NINL: variants seen among roughly 807,000 people sequenced by gnomAD.
NINL encodes the protein ninein-like protein.
NINL carries 153 observed loss-of-function variants against 160.3 expected under a neutral mutation model. The observed-to-expected ratio is 0.95, with a 90% CI of 0.84 to 1.09. The LOEUF (loss-of-function observed/expected upper bound fraction) is 1.09. NINL is among the 50% of genes least tolerant of loss of function. The pLI is 0.00. For missense variants in NINL, 1,829 were observed against 1,764.0 expected (o/e 1.04, Z -0.66); for synonymous variants, 800 against 734.8 (o/e 1.09, Z -1.43).
intron 1 of NINL, among the ~76,000 whole-genome samples, chr20:25,565,690 T>C (rs923315912): frequency 2.0e-5 from 3 of 152,134 alleles, no homozygotes; most frequent in Non-Finnish European, 2.9e-5. Flanking sequence ...GGGCATTATG[T>C]TTGGGTGAGT....
intron 1 of NINL, among the ~76,000 whole-genome samples, chr20:25,564,925 T>C (rs1444206396): frequency 2.0e-5 from 3 of 152,126 alleles, no homozygotes; most frequent in Non-Finnish European, 4.4e-5. Flanking sequence ...ATCACAGTTT[T>C]ACCGAAGCAA....
intron 18 of NINL, among the ~76,000 whole-genome samples, chr20:25,468,382 C>T (rs2062971418): frequency 6.6e-6 from 1 of 151,650 alleles, no homozygotes; most frequent in South Asian, 2.1e-4. Context: ...GGTGGCCTCC[C>T]TGCTCTGTCC....
At chr20:25,539,938 G>T in intron 1 of NINL, 1 of 874,642 alleles carries the variant, frequency 1.1e-6, no homozygotes, top group Non-Finnish European at 1.6e-6. Context: ...ACCCCTGCGG[G>T]TTCCCGGGGG....
chr20:25,538,624 C>G (rs998430352), intron 1 of NINL, among the ~76,000 whole-genome samples: 6 of 152,110 alleles, frequency 3.9e-5, no homozygotes, highest in African/African-American at 1.4e-4. Flanking sequence ...TGGCCTGGCC[C>G]CAGGGTCACA....
In NINL at chr20:25,476,848, TC is replaced by T; in HGVS notation, c.2442del (p.Lys815SerfsTer148). 1 of 1,613,330 alleles carries T rather than the reference TC, an allele frequency of 6.2e-7. No homozygotes were observed. ...LEEEELELARGKRVDGPSLEA... is the reference protein window; with the variant it reads ...LEEEELELARXKRVDGPSLEA... Reference sequence around the variant, plus strand: ...TCCAGGGAGGGCCCGTCCACTCGCTTCCCGCGGGCAAGCTCCAACTCCTCCT... The same window carrying T: ...TCCAGGGAGGGCCCGTCCACTCGCTTCCGCGGGCAAGCTCCAACTCCTCCT... On this transcript the variant is annotated frameshift_variant, in exon 17 of 24. Coordinates refer to ENST00000278886, the MANE Select transcript of NINL (RefSeq NM_025176.6). LOFTEE classifies it high-confidence loss of function.
intron 1 of NINL, among the ~76,000 whole-genome samples, chr20:25,570,401 T>A (rs1208299687): frequency 6.6e-6 from 1 of 152,026 alleles, no homozygotes; most frequent in Non-Finnish European, 1.5e-5. Context: ...ATTTGGTTGT[T>A]TAAAGGCATG....
At chr20:25,533,571 C>G (rs181330767) in intron 1 of NINL, among the ~76,000 whole-genome samples, 23 of 152,250 alleles carry the variant, frequency 1.5e-4, no homozygotes, top group Admixed American at 1.0e-3. Context: ...TCAGTGTGGT[C>G]TCAGCACAGG....
chr20:25,526,261 T>C (rs542768939), intron 2 of NINL, 147 bp downstream of exon 2: 377 of 720,370 alleles, frequency 5.2e-4, no homozygotes, highest in Non-Finnish European at 7.9e-4. Flanking sequence ...AGAATTTCCA[T>C]AGAGGGAAAA....
intron 13 of NINL, 53 bp from the exon 14 acceptor site, chr20:25,482,153 G>GCGAGCTGGC (rs781229239): frequency 7.0e-6 from 11 of 1,564,622 alleles, no homozygotes; most frequent in Admixed American, 3.4e-5. Context: ...ATTCAGCCCA[G>GCGAGCTGGC]CGAGCTGGCC....
chr20:25,454,179 C>T (rs781679039), intron 23 of NINL, among the ~76,000 whole-genome samples: 38 of 152,288 alleles, frequency 2.5e-4, no homozygotes, highest in South Asian at 6.2e-4. Flanking sequence ...AGCTTTGTGC[C>T]GTGAAACAAG....
chr20:25,467,365 C>T (rs1342424803), intron 19 of NINL, 24 bp downstream of exon 19: 1 of 1,539,828 alleles, frequency 6.5e-7, no homozygotes, highest in Admixed American at 1.7e-5. Flanking sequence ...GGCATGAGCT[C>T]CATGCCAGGC....
intron 5 of NINL, among the ~76,000 whole-genome samples, chr20:25,508,696 T>G (rs559572246): frequency 6.6e-6 from 1 of 152,328 alleles, no homozygotes; most frequent in East Asian, 1.9e-4. Context: ...TGAAGAGGGC[T>G]CTCGGCATTC....
At position 25,476,427 on chromosome 20, in the gene NINL, G is replaced by A. The variant is rs576265906; in HGVS notation, c.2864C>T (p.Pro955Leu). ...GTERDASQTQPRMWEPPLRPA... is the reference protein window; with the variant it reads ...GTERDASQTQLRMWEPPLRPA... ...CCTCAGGGGTGGCTCCCACATCCGT[G>A]GCTGGGTTTGCGAGGCGTCTCTCTC... Residue 955 changes from proline to leucine, a missense_variant, in exon 17 of 24, where the codon CCA (proline) becomes CTA (leucine). Physicochemically the swap from Pro to Leu is moderately conservative, Grantham distance 98. Coordinates refer to ENST00000278886, the MANE Select transcript of NINL (RefSeq NM_025176.6). 1 of 1,609,578 alleles carries A rather than the reference G, an allele frequency of 6.2e-7. No homozygotes were observed. The highest frequency in any genetic ancestry group is 1.3e-5 in the African/African-American group (1 of 75,056).
intron 1 of NINL, among the ~76,000 whole-genome samples, chr20:25,533,465 C>T (rs2064502550): frequency 1.3e-5 from 2 of 151,858 alleles, no homozygotes; most frequent in South Asian, 4.2e-4. Context: ...AATCGGAAGA[C>T]AAGGAAAGCT....
intron 1 of NINL, among the ~76,000 whole-genome samples, chr20:25,570,242 T>G (rs971005595): frequency 2.0e-5 from 3 of 152,112 alleles, no homozygotes; most frequent in Non-Finnish European, 4.4e-5. Context: ...ATGGTTTGGA[T>G]CTGTGTCCTT....
At chr20:25,484,513 C>T (rs564886018) in intron 13 of NINL, among the ~76,000 whole-genome samples, 13 of 152,194 alleles carry the variant, frequency 8.5e-5, no homozygotes, top group Non-Finnish European at 1.5e-4. Flanking sequence ...GCCAACACTG[C>T]GGGGCATGCC....
chr20:25,527,476 G>A lies in NINL; in HGVS notation c.-11-878C>T, dbSNP rs113904928. Among the ~76,000 whole-genome samples, 243 of 151,830 alleles carry A rather than the reference G, an allele frequency of 1.6e-3. 2 individuals carry two copies. The highest frequency in any genetic ancestry group is 5.5e-3 in the African/African-American group (226 of 41,416). On this transcript the variant is annotated intron_variant, in intron 1 of 23. Coordinates refer to ENST00000278886, the MANE Select transcript of NINL (RefSeq NM_025176.6). ...CCCAGATTAATTTTTCTGTACACAC[G>A]TACAAATGTAGTTTTTTTCCTTACA...
intron 1 of NINL, among the ~76,000 whole-genome samples, chr20:25,532,525 C>CAGGCAGCCCCCACCACTTCTCA (rs1351206697): frequency 1.3e-5 from 2 of 152,228 alleles, no homozygotes; most frequent in African/African-American, 4.8e-5. Flanking sequence ...CAGGGAAATA[C>CAGGCAGCCCCCACCACTTCTCA]AGGCAGCCCC....
rs555089102 is a variant in NINL, at chr20:25,522,267, A to C, written c.180+4141T>G. On this transcript the variant is annotated intron_variant, in intron 2 of 23. Coordinates refer to ENST00000278886, the MANE Select transcript of NINL (RefSeq NM_025176.6). ...ATTTATTTGCTCTTTACTGTTTTCAAAATATTTGTTTTTATTATTTTGTTC... is the reference window on the plus strand; with the variant it reads ...ATTTATTTGCTCTTTACTGTTTTCACAATATTTGTTTTTATTATTTTGTTC... Among the ~76,000 whole-genome samples, 16 of 152,282 alleles carry C rather than the reference A, an allele frequency of 1.1e-4. No individual in the cohort carries two copies. In the South Asian group the frequency reaches 3.3e-3, roughly 32 times the overall value.
Sources: allele counts gnomAD v4.1 joint callset (sites outside exome capture counted in the v4.1 genomes callset), GRCh38; gene constraint gnomAD v4.1.1; transcripts MANE v1.5; gene names NCBI Gene and HGNC (gene_info 2026-07-23, HGNC 2026-07-21).